The following ORC3 variants were observed in gnomAD, a reference collection of about 807,000 sequenced individuals.
ORC3 encodes homolog of latheo, Drosophila.
Under a neutral mutation model 100.7 loss-of-function variants are expected in ORC3, and 78 were observed. The observed-to-expected ratio is 0.77, with a 90% CI of 0.65 to 0.94. ORC3 has a LOEUF of 0.94. Ranked by LOEUF, ORC3 falls within the 40% of genes least tolerant of loss-of-function variation. ORC3 has a pLI of 0.00. For missense variants in ORC3, 789 were observed against 823.9 expected (o/e 0.96, Z 0.52); for synonymous variants, 295 against 289.3 (o/e 1.02, Z -0.20).
chr6:87,632,852 A>G (rs1490755882), intron 11 of ORC3, among the ~76,000 whole-genome samples: 2 of 152,194 alleles, frequency 1.3e-5, no homozygotes, highest in Non-Finnish European at 2.9e-5. Flanking sequence ...TTTTTATCTT[A>G]AAATAAAATA....
At chr6:87,653,075 T>C in intron 13 of ORC3, 41 bp from the exon 14 acceptor site, 2 of 1,492,514 alleles carry the variant, frequency 1.3e-6, no homozygotes, top group South Asian at 1.3e-5. Context: ...AGTGTTAATT[T>C]TCTAGTTATA....
chr6:87,615,644 A>G (rs772698092), intron 8 of ORC3, among the ~76,000 whole-genome samples: 52 of 152,200 alleles, frequency 3.4e-4, no homozygotes, highest in Admixed American at 1.9e-3. Flanking sequence ...ACAGTGAGCT[A>G]TGATGCCACC....
intron 11 of ORC3, among the ~76,000 whole-genome samples, chr6:87,623,090 C>G (rs1313698683): frequency 1.3e-5 from 2 of 152,092 alleles, no homozygotes; most frequent in African/African-American, 4.8e-5. Flanking sequence ...TATACATGTA[C>G]AATTATATAT....
chr6:87,624,586 A>T (rs564032266), intron 11 of ORC3, among the ~76,000 whole-genome samples: 2 of 152,234 alleles, frequency 1.3e-5, no homozygotes. Flanking sequence ...GTAAAAATAC[A>T]TGACAATAAT....
At chr6:87,632,365 C>G (rs1767492112) in intron 11 of ORC3, among the ~76,000 whole-genome samples, 1 of 151,600 alleles carries the variant, frequency 6.6e-6, no homozygotes. Context: ...GTTCTAAAGT[C>G]AGCACATAAG....
At chr6:87,644,384 C>T (rs866146608) in intron 13 of ORC3, among the ~76,000 whole-genome samples, 15 of 151,218 alleles carry the variant, frequency 9.9e-5, no homozygotes, top group Middle Eastern at 3.4e-3. Context: ...AGAGCCACCG[C>T]GCCCGGCCGG....
chr6:87,632,838 T>C (rs1028805881), intron 11 of ORC3, among the ~76,000 whole-genome samples: 3 of 152,206 alleles, frequency 2.0e-5, no homozygotes, highest in African/African-American at 7.2e-5. Flanking sequence ...TCTTAAAATT[T>C]TTATTTTTAT....
At chr6:87,607,895 CAGTA>C in intron 6 of ORC3, 71 bp downstream of exon 6, 1 of 1,084,312 alleles carries the variant, frequency 9.2e-7, no homozygotes, top group Admixed American at 2.0e-5. Flanking sequence ...TAATATTAGA[CAGTA>C]CTGTTTTGAT....
intron 14 of ORC3, among the ~76,000 whole-genome samples, chr6:87,656,256 TTTA>T (rs1329678222): frequency 6.6e-6 from 1 of 152,226 alleles, no homozygotes; most frequent in African/African-American, 2.4e-5. Flanking sequence ...GTTTTAAGTT[TTTA>T]TTATTTTTTT....
At chr6:87,606,109 T>A in intron 5 of ORC3, 88 bp downstream of exon 5, 1 of 750,550 alleles carries the variant, frequency 1.3e-6, no homozygotes, top group Non-Finnish European at 2.3e-6. Flanking sequence ...TCTTTATCCC[T>A]TTTTTTGGTG....
chr6:87,666,919 T>C (rs1321376434), intron 19 of ORC3, 99 bp from the exon 20 acceptor site: 2 of 656,088 alleles, frequency 3.0e-6, no homozygotes, highest in Non-Finnish European at 2.7e-6. Flanking sequence ...ATATCTGAAC[T>C]ATCTACTTCA....
chr6:87,635,976 G>A (rs1583101737), intron 12 of ORC3, among the ~76,000 whole-genome samples: 2 of 139,594 alleles, frequency 1.4e-5, no homozygotes, highest in South Asian at 4.5e-4. Flanking sequence ...ACAGAGTCTC[G>A]CTCTGTCACC....
intron 2 of ORC3, among the ~76,000 whole-genome samples, chr6:87,598,549 G>A (rs573732777): frequency 6.6e-6 from 1 of 151,910 alleles, no homozygotes; most frequent in Non-Finnish European, 1.5e-5. Context: ...AGAACTTTTT[G>A]TATTGAATTT....
At chr6:87,673,702 G>A in the ORC3 span, among the ~76,000 whole-genome samples, 2 of 151,930 alleles carry the variant, frequency 1.3e-5, no homozygotes, top group Non-Finnish European at 2.9e-5. Context: ...TTAGCTGGGC[G>A]TGGTGGTGCA....
intron 17 of ORC3, 79 bp downstream of exon 17, chr6:87,663,223 G>A: frequency 8.7e-7 from 1 of 1,145,858 alleles, no homozygotes; most frequent in Non-Finnish European, 1.2e-6. Flanking sequence ...TAAATTTGCA[G>A]TTATGTTTTA....
intron 13 of ORC3, among the ~76,000 whole-genome samples, chr6:87,650,266 G>T (rs538917066): frequency 6.6e-6 from 1 of 152,094 alleles, no homozygotes; most frequent in Admixed American, 6.5e-5. Context: ...TTGTTGGCCA[G>T]GCTGGTCTCA....
At chr6:87,637,297 G>A (rs1240275006) in intron 13 of ORC3, among the ~76,000 whole-genome samples, 2 of 152,150 alleles carry the variant, frequency 1.3e-5, no homozygotes, top group Non-Finnish European at 2.9e-5. Flanking sequence ...CACACTGAAA[G>A]CACTTCAAGT....
chr6:87,675,262 T>G, the ORC3 span: 2 of 326,702 alleles, frequency 6.1e-6, no homozygotes, highest in African/African-American at 4.2e-5. Flanking sequence ...GAAGTGTCAT[T>G]CTACAGTTTT....
chr6:87,624,774 G>A (rs571119986), intron 11 of ORC3, among the ~76,000 whole-genome samples: 3 of 152,082 alleles, frequency 2.0e-5, no homozygotes, highest in South Asian at 2.1e-4. Context: ...TATGTGTGCC[G>A]TGTTGGTTTG....
Sources: allele counts gnomAD v4.1 joint callset (sites outside exome capture counted in the v4.1 genomes callset), GRCh38; gene constraint gnomAD v4.1.1; transcripts MANE v1.5; gene names NCBI Gene and HGNC (gene_info 2026-07-23, HGNC 2026-07-21).